INPP4B: variants seen among roughly 807,000 people sequenced by gnomAD.
INPP4B encodes the protein inositol polyphosphate-4-phosphatase type II B.
Under a neutral mutation model 122.5 loss-of-function variants are expected in INPP4B, and 55 were observed. That is an observed-to-expected ratio of 0.45 (90% confidence interval 0.36 to 0.56). The LOEUF (loss-of-function observed/expected upper bound fraction) is 0.56, where lower values mean the gene tolerates loss of function less well. Ranked by LOEUF, INPP4B falls within the 20% of genes least tolerant of loss-of-function variation. The pLI is 0.00. For synonymous variants in INPP4B, 403 were observed against 388.7 expected, an observed-to-expected ratio of 1.04 and a Z score of -0.43; for missense variants, 1,000 against 1,097.7, an observed-to-expected ratio of 0.91 and a Z score of 1.26.
rs1367833910 is a variant in INPP4B, at chr4:142,055,407, C to A, written c.2643-26493G>T. ...CAGAATAAGCTATGGTAAATATAAT[C>A]ATCTATCCCCAATTCATAAAGTAAA... On this transcript the variant is annotated intron_variant, in intron 25 of 25. Transcript: ENST00000262992. Among the ~76,000 whole-genome samples, 4 of 152,006 alleles carry A rather than the reference C, an allele frequency of 2.6e-5. No homozygotes were observed. The East Asian group carries it at 7.7e-4, about 29-fold the overall frequency.
intron 2 of INPP4B, among the ~76,000 whole-genome samples, chr4:142,591,129 A>G (rs1412238210): frequency 2.0e-5 from 3 of 152,098 alleles, no homozygotes; most frequent in African/African-American, 7.2e-5. Flanking sequence ...AGCCTTGGCA[A>G]CATTGCAAAG....
At chr4:142,035,770 A>G (rs1009830936) in intron 25 of INPP4B, among the ~76,000 whole-genome samples, 3 of 152,172 alleles carry the variant, frequency 2.0e-5, no homozygotes, top group Admixed American at 6.5e-5. Context: ...GGTCTATCTC[A>G]TGCTTGAATA....
At chr4:142,823,840 T>C (rs1054901233) in intron 1 of INPP4B, among the ~76,000 whole-genome samples, 1 of 152,136 alleles carries the variant, frequency 6.6e-6, no homozygotes, top group Non-Finnish European at 1.5e-5. Context: ...GTCAACTTGA[T>C]TGAGCTAAAG....
At chr4:142,656,948 G>C (rs1754266819) in intron 2 of INPP4B, among the ~76,000 whole-genome samples, 3 of 152,188 alleles carry the variant, frequency 2.0e-5, no homozygotes, top group African/African-American at 7.2e-5. Context: ...TGTATGGTTT[G>C]TGTTGCAAGC....
intron 2 of INPP4B, among the ~76,000 whole-genome samples, chr4:142,662,590 T>C (rs1031552544): frequency 6.6e-6 from 1 of 152,120 alleles, no homozygotes; most frequent in African/African-American, 2.4e-5. Context: ...TTGTGTCACC[T>C]CCATGCTGAA....
rs1397208884 is a variant in INPP4B at position 142,268,316 on chromosome 4, C to A, written c.615+2347G>T. On this transcript the variant is annotated intron_variant, in intron 10 of 25. Coordinates refer to ENST00000262992, the MANE Select transcript of INPP4B (RefSeq NM_001101669.3). ...CTGGCCTGGGTGACAGAGCAAGACT[C>A]CGTCTCAAAAAAAAAAAAAAAAAAA... 9.8e-4 allele frequency among the ~76,000 whole-genome samples: 3 copies of A among 3,076 alleles called. No homozygotes were observed. In the East Asian group the frequency reaches 0.065, roughly 67 times the overall value. The allele number at this position is 3,076 out of a possible 152,430, so 2.0% of individuals were successfully genotyped here.
At chr4:142,670,151 A>G (rs1201713313) in intron 2 of INPP4B, among the ~76,000 whole-genome samples, 1 of 152,184 alleles carries the variant, frequency 6.6e-6, no homozygotes, top group Non-Finnish European at 1.5e-5. Flanking sequence ...CATCTAAGTT[A>G]TCAGATCAAA....
intron 14 of INPP4B, among the ~76,000 whole-genome samples, chr4:142,198,055 G>T (rs1266333707): frequency 6.6e-6 from 1 of 152,018 alleles, no homozygotes; most frequent in Non-Finnish European, 1.5e-5. Flanking sequence ...CTAAAATAGA[G>T]ATTTTTTGTG....
intron 2 of INPP4B, among the ~76,000 whole-genome samples, chr4:142,655,629 C>T (rs907127002): frequency 6.6e-6 from 1 of 152,120 alleles, no homozygotes; most frequent in Non-Finnish European, 1.5e-5. Context: ...CAAAAGCATT[C>T]TTTAAAGCTA....
At chr4:142,377,163 A>G (rs1374830065) in intron 7 of INPP4B, among the ~76,000 whole-genome samples, 2 of 152,014 alleles carry the variant, frequency 1.3e-5, no homozygotes, top group Non-Finnish European at 2.9e-5. Flanking sequence ...TTTTTAAAAC[A>G]AATTTTAGGT....
At chr4:142,083,099 C>G (rs1455637158) in intron 24 of INPP4B, among the ~76,000 whole-genome samples, 2 of 133,174 alleles carry the variant, frequency 1.5e-5, no homozygotes, top group Admixed American at 7.1e-5. Context: ...GACACCCTGT[C>G]TCAAAAAAAA....
chr4:142,793,721 C>G (rs1479321170), intron 1 of INPP4B, among the ~76,000 whole-genome samples: 1 of 151,918 alleles, frequency 6.6e-6, no homozygotes, highest in Non-Finnish European at 1.5e-5. Flanking sequence ...AGAAGGGTTA[C>G]TGAAAACAAA....
intron 1 of INPP4B, among the ~76,000 whole-genome samples, chr4:142,748,959 G>A (rs564798714): frequency 4.5e-4 from 68 of 151,730 alleles, no homozygotes; most frequent in African/African-American, 1.5e-3. Context: ...GGCTAACATG[G>A]CAAAACCCCG....
intron 7 of INPP4B, among the ~76,000 whole-genome samples, chr4:142,343,730 TA>T (rs1392183983): frequency 2.2e-4 from 34 of 152,240 alleles, no homozygotes; most frequent in African/African-American, 8.2e-4. Context: ...AATAGTTAGC[TA>T]TTAGTGATAA....
chr4:142,549,498 C>T (rs1451735698), intron 2 of INPP4B, among the ~76,000 whole-genome samples: 2 of 152,084 alleles, frequency 1.3e-5, no homozygotes, highest in African/African-American at 4.8e-5. Context: ...GGTGCAGAAA[C>T]CAAAACACCA....
chr4:142,274,479 T>G (rs769056133), intron 9 of INPP4B, among the ~76,000 whole-genome samples: 10 of 150,770 alleles, frequency 6.6e-5, no homozygotes, highest in Non-Finnish European at 1.5e-4. Context: ...TTCTAGCTTC[T>G]CTTCCTCACT....
At chr4:142,625,780 C>G (rs1225135430) in intron 2 of INPP4B, among the ~76,000 whole-genome samples, 1 of 152,086 alleles carries the variant, frequency 6.6e-6, no homozygotes, top group Non-Finnish European at 1.5e-5. Context: ...GGTACCAAAA[C>G]AGAGATATAG....
intron 18 of INPP4B, among the ~76,000 whole-genome samples, chr4:142,135,064 G>T (rs1470995764): frequency 6.6e-6 from 1 of 152,030 alleles, no homozygotes; most frequent in Non-Finnish European, 1.5e-5. Flanking sequence ...TAAATTCTGA[G>T]AATATTAGTA....
intron 8 of INPP4B, among the ~76,000 whole-genome samples, chr4:142,311,764 T>C (rs1222004651): frequency 2.6e-5 from 4 of 152,206 alleles, no homozygotes; most frequent in African/African-American, 4.8e-5. Flanking sequence ...GTATACAAAA[T>C]GAAATTTCCC....
Sources: gnomAD v4.1 joint callset for allele counts (sites outside exome capture counted in the v4.1 genomes callset) on GRCh38, gnomAD v4.1.1 for gene constraint, MANE v1.5 for transcripts, NCBI Gene and HGNC (gene_info 2026-07-23, HGNC 2026-07-21) for gene names.